The following BOC variants were observed in gnomAD, a reference collection of about 807,000 sequenced individuals.
The protein encoded by BOC is brother of CDO.
A neutral mutation model predicts 112.0 loss-of-function variants in BOC; 76 were observed. The observed-to-expected ratio is 0.68, with a 90% CI of 0.56 to 0.82. The LOEUF (loss-of-function observed/expected upper bound fraction) is 0.82. Ranked by LOEUF, BOC falls within the 40% of genes least tolerant of loss-of-function variation. BOC has a pLI of 0.00. For missense variants in BOC, 1,309 were observed against 1,511.7 expected (o/e 0.87, Z 2.22); for synonymous variants, 580 against 599.8 (o/e 0.97, Z 0.48).
chr3:113,228,776 G>A (rs1312766755), intron 2 of BOC, among the ~76,000 whole-genome samples: 1 of 152,122 alleles, frequency 6.6e-6, no homozygotes, highest in Non-Finnish European at 1.5e-5. Flanking sequence ...TGTAGGGACA[G>A]GAGGGAAGAC....
At chr3:113,263,233 A>G (rs1297383439) in intron 4 of BOC, among the ~76,000 whole-genome samples, 1 of 152,232 alleles carries the variant, frequency 6.6e-6, no homozygotes, top group African/African-American at 2.4e-5. Context: ...GCATTGCCAC[A>G]TGAGCCCCAT....
At chr3:113,285,634 C>T in intron 19 of BOC, 69 bp downstream of exon 19, 1 of 1,376,556 alleles carries the variant, frequency 7.3e-7, no homozygotes, top group African/African-American at 1.5e-5. Flanking sequence ...ATCCACAAGC[C>T]AGTAGTAACA....
Position 113,278,817 on chromosome 3 carries a change from C to T in BOC, c.1816+34C>T. On this transcript the variant is annotated intron_variant, in intron 11 of 19. Coordinates refer to ENST00000682979, the MANE Select transcript of BOC (RefSeq NM_001378074.1). The surrounding 1 kb of genome is among the most constrained non-coding windows in gnomAD (Gnocchi z 4.2). ...CTAGCAGCAGGGACGGACGCGCAGTCAGGACTGGAACTGCCTCAGAGGCCT... is the reference window on the plus strand; with the variant it reads ...CTAGCAGCAGGGACGGACGCGCAGTTAGGACTGGAACTGCCTCAGAGGCCT... The T allele has an allele frequency of 6.5e-7, 1 of 1,537,130 alleles. No homozygotes were observed. Among genetic ancestry groups the T allele is most frequent in the Non-Finnish European group, 8.8e-7 (1 of 1,134,426 alleles).
chr3:113,221,222 T>C (rs1455861179), intron 2 of BOC, among the ~76,000 whole-genome samples: 1 of 152,154 alleles, frequency 6.6e-6, no homozygotes, highest in Non-Finnish European at 1.5e-5. Flanking sequence ...AGAAGGTAGC[T>C]GTTATTATTA....
chr3:113,256,403 G>T (rs76288402), intron 4 of BOC, among the ~76,000 whole-genome samples: 1,799 of 151,864 alleles, frequency 0.012, 39 homozygotes, highest in African/African-American at 0.041. Context: ...CGGTGTCATG[G>T]TGCATTGTCA....
chr3:113,283,389 T>C, intron 15 of BOC, 22 bp from the exon 16 acceptor site: 1 of 1,565,116 alleles, frequency 6.4e-7, no homozygotes, highest in Non-Finnish European at 8.7e-7. Context: ...TATGCTGAAG[T>C]GAGTTTTGTC....
chr3:113,261,842 T>G (rs1176957361), intron 4 of BOC: 1 of 152,092 alleles, frequency 6.6e-6, no homozygotes, highest in Non-Finnish European at 1.5e-5. Context: ...CATCCCCCAG[T>G]CTCTTTCATC....
At chr3:113,276,643 C>T (rs925538366) in intron 9 of BOC, among the ~76,000 whole-genome samples, 1 of 152,222 alleles carries the variant, frequency 6.6e-6, no homozygotes, top group Non-Finnish European at 1.5e-5. Context: ...GATTGGGAAT[C>T]ATTCAGCTAA....
intron 1 of BOC, among the ~76,000 whole-genome samples, chr3:113,214,354 A>G (rs1022455006): frequency 6.6e-6 from 1 of 152,210 alleles, no homozygotes; most frequent in Non-Finnish European, 1.5e-5. Flanking sequence ...TTACCCATGA[A>G]ATAATTCAGT....
At chr3:113,233,865 A>G (rs1943059359) in intron 2 of BOC, among the ~76,000 whole-genome samples, 1 of 139,754 alleles carries the variant, frequency 7.2e-6, no homozygotes, top group Non-Finnish European at 1.5e-5. Flanking sequence ...TCCACTAATT[A>G]AGAACCACGG....
intron 2 of BOC, among the ~76,000 whole-genome samples, chr3:113,244,703 G>A (rs565218507): frequency 1.2e-4 from 18 of 152,250 alleles, no homozygotes; most frequent in Admixed American, 5.9e-4. Flanking sequence ...AAAATTCTAC[G>A]GAAGGGGCTT....
At chr3:113,259,239 C>T (rs1168413736) in intron 4 of BOC, among the ~76,000 whole-genome samples, 6 of 152,222 alleles carry the variant, frequency 3.9e-5, no homozygotes, top group Admixed American at 3.9e-4. Context: ...CTTAAGGACT[C>T]TTAACCCACT....
rs768179518 is a variant in BOC, at chr3:113,279,262, C to T, written c.1830C>T (p.Pro610=). 1.9e-5 allele frequency: 30 copies of T among 1,613,474 alleles called. 1 individual carries two copies. The highest frequency in any genetic ancestry group is 1.1e-4 in the African/African-American group (8 of 74,910). The part of the protein sequence containing the change: ...DHGRLSPPEA[P]DRPTISTASE... ...GGTCTTTCCCAGCCCCAGAAGCTCCCGACAGGCCCACCATCTCCACGGCCT... is the reference window on the plus strand; with the variant it reads ...GGTCTTTCCCAGCCCCAGAAGCTCCTGACAGGCCCACCATCTCCACGGCCT... Residue 610 remains proline (P), a synonymous_variant, in exon 12 of 20, where the codon CCC becomes CCT. Transcript: ENST00000682979.
intron 2 of BOC, among the ~76,000 whole-genome samples, chr3:113,249,269 C>T (rs950990641): frequency 2.6e-5 from 4 of 152,208 alleles, no homozygotes; most frequent in African/African-American, 9.6e-5. Flanking sequence ...ACTGCTGTCC[C>T]ACAATAGTCT....
At chr3:113,245,776 A>G (rs572785722) in intron 2 of BOC, among the ~76,000 whole-genome samples, 2 of 152,350 alleles carry the variant, frequency 1.3e-5, no homozygotes, top group East Asian at 1.9e-4. Context: ...TCTTTGTGCT[A>G]TCTGCTACAT....
chr3:113,278,122 A>G lies in BOC; in HGVS notation c.1570A>G (p.Thr524Ala), dbSNP rs768969689. The change falls in exon 10 of 20, where the codon ACC becomes GCC. Residue 524 changes from threonine to alanine, a missense_variant. Physicochemically the swap from Thr to Ala is moderately conservative, Grantham distance 58. Transcript: ENST00000682979. The surrounding 1 kb of genome is among the most constrained non-coding windows in gnomAD (Gnocchi z 4.2). ...KQVTNSSDDW[T>A]ISGIPANQHR... ...GGTCACAAATTCCTCTGACGATTGG[A>G]CCATCTCTGGCATTCCAGCCAACCA... The G allele has an allele frequency of 7.4e-6, 12 of 1,614,174 alleles. No individual in the cohort carries two copies. In the South Asian group the frequency reaches 1.2e-4, roughly 16 times the overall value.
At chr3:113,281,245 CT>C in intron 15 of BOC, 92 bp downstream of exon 15, 2 of 1,450,860 alleles carry the variant, frequency 1.4e-6, no homozygotes, top group Admixed American at 2.1e-5. Flanking sequence ...TGCTGGGCCT[CT>C]TTCCCAGGAA....
intron 2 of BOC, among the ~76,000 whole-genome samples, chr3:113,226,010 A>C (rs1941600769): frequency 2.0e-5 from 3 of 152,180 alleles, no homozygotes; most frequent in Admixed American, 2.0e-4. Flanking sequence ...AAAGAATCCC[A>C]GACTGGCTTC....
intron 2 of BOC, among the ~76,000 whole-genome samples, chr3:113,224,209 T>C (rs1207986687): frequency 6.6e-6 from 1 of 152,206 alleles, no homozygotes; most frequent in African/African-American, 2.4e-5. Context: ...TTCTAGAGTT[T>C]CTGCTTTTGG....
Sources: gnomAD v4.1 joint callset for allele counts (sites outside exome capture counted in the v4.1 genomes callset) on GRCh38, gnomAD v4.1.1 for gene constraint, Gnocchi (gnomAD v3.1) non-coding constraint, MANE v1.5 for transcripts, NCBI Gene and HGNC (gene_info 2026-07-23, HGNC 2026-07-21) for gene names.